PPP4R3B: variants seen among roughly 807,000 people sequenced by gnomAD.
PPP4R3B encodes the protein protein phosphatase 4 regulatory subunit 3B.
In PPP4R3B, 52 loss-of-function variants were observed where a neutral mutation model predicts 95.4. That is an observed-to-expected ratio of 0.54 (90% confidence interval 0.44 to 0.69). PPP4R3B has a LOEUF of 0.69. Among genes scored for constraint, PPP4R3B ranks in the 30% least tolerant of loss-of-function variants. The pLI is 0.00. For synonymous variants in PPP4R3B, 407 were observed against 343.9 expected, an observed-to-expected ratio of 1.18 and a Z score of -2.03; for missense variants, 1,003 against 1,005.9, an observed-to-expected ratio of 1.00 and a Z score of 0.04.
rs370781170 is a variant in PPP4R3B, at chr2:55,596,256, G to C, written c.921+2160C>G. Among the ~76,000 whole-genome samples, 149 of 152,162 alleles carry C rather than the reference G, an allele frequency of 9.8e-4. 1 individual carries two copies. Among genetic ancestry groups the C allele is most frequent in the Middle Eastern group, 3.4e-3 (1 of 294 alleles). ...AGGCCGAAGCAAATCTGACTTTCAA[G>C]GTGAAAATAAAATATAAAAACTGTT... On this transcript the variant is annotated intron_variant, in intron 4 of 16. Transcript: ENST00000616407.
chr2:55,617,584 C>T lies in PPP4R3B; in HGVS notation c.-299G>A. 1 of 298,732 alleles carries T rather than the reference C, an allele frequency of 3.3e-6. No homozygotes were observed. Among genetic ancestry groups the T allele is most frequent in the Middle Eastern group, 9.4e-4 (1 of 1,062 alleles). The allele number at this position is 298,732 out of a possible 1,614,324, so 18.5% of individuals were successfully genotyped here. A position where few individuals can be genotyped will look rare whatever the true frequency, so the allele number is the denominator to read the frequency against. ...CGCCGCCGCGGTAACTACTACAGAT[C>T]CGCCATCTTGTAACCCGACTCTCTC... On this transcript the variant is annotated 5_prime_UTR_variant, in exon 1 of 17. Transcript: ENST00000616407.
intron 12 of PPP4R3B, among the ~76,000 whole-genome samples, chr2:55,569,537 T>C (rs961068466): frequency 6.6e-6 from 1 of 152,118 alleles, no homozygotes; most frequent in Non-Finnish European, 1.5e-5. Flanking sequence ...GTACTAAAAG[T>C]CTATGATAAG....
intron 8 of PPP4R3B, among the ~76,000 whole-genome samples, chr2:55,580,668 G>A (rs1330174660): frequency 6.6e-6 from 1 of 152,048 alleles, no homozygotes; most frequent in Non-Finnish European, 1.5e-5. Flanking sequence ...TGAAAATTTG[G>A]AAAATAATGT....
At chr2:55,590,993 G>C (rs1690931426) in intron 4 of PPP4R3B, among the ~76,000 whole-genome samples, 1 of 152,142 alleles carries the variant, frequency 6.6e-6, no homozygotes, top group African/African-American at 2.4e-5. Flanking sequence ...CTCAGAATGT[G>C]TCTGAGTCAT....
intron 13 of PPP4R3B, among the ~76,000 whole-genome samples, chr2:55,565,374 G>A (rs946840260): frequency 1.3e-5 from 2 of 151,028 alleles, no homozygotes; most frequent in Admixed American, 6.6e-5. Flanking sequence ...AATTTCATTT[G>A]ATCTTCACAA....
chr2:55,595,520 T>C (rs540128254), intron 4 of PPP4R3B, among the ~76,000 whole-genome samples: 1 of 151,598 alleles, frequency 6.6e-6, no homozygotes, highest in South Asian at 2.1e-4. Flanking sequence ...CGTGAAAATA[T>C]TTATGAATTC....
chr2:55,614,396 G>A (rs1694616289), intron 2 of PPP4R3B: 2 of 152,068 alleles, frequency 1.3e-5, no homozygotes, highest in African/African-American at 2.4e-5. Context: ...TCATACATAA[G>A]AATACTATAC....
At chr2:55,601,960 G>T (rs1444941431) in intron 3 of PPP4R3B, among the ~76,000 whole-genome samples, 2 of 152,114 alleles carry the variant, frequency 1.3e-5, no homozygotes, top group African/African-American at 4.8e-5. Context: ...TAAGAAAAAT[G>T]AAAGTCACTG....
chr2:55,568,452 T>C, intron 12 of PPP4R3B, 89 bp from the exon 13 acceptor site: 2 of 1,039,126 alleles, frequency 1.9e-6, no homozygotes, highest in Non-Finnish European at 2.7e-6. Flanking sequence ...GCAATGTATA[T>C]GCTCTTCTAA....
chr2:55,570,486 A>T (rs1687866190), intron 12 of PPP4R3B, among the ~76,000 whole-genome samples: 3 of 152,236 alleles, frequency 2.0e-5, no homozygotes, highest in Non-Finnish European at 2.9e-5. Context: ...AAGCTTACTA[A>T]ATTTAGCAAT....
At chr2:55,553,122 G>A (rs1334392038) in intron 16 of PPP4R3B, among the ~76,000 whole-genome samples, 2 of 152,170 alleles carry the variant, frequency 1.3e-5, no homozygotes, top group African/African-American at 2.4e-5. Flanking sequence ...AAATTCTATA[G>A]AGAATGTAAT....
chr2:55,592,723 T>C (rs1443227875), intron 4 of PPP4R3B, among the ~76,000 whole-genome samples: 2 of 152,216 alleles, frequency 1.3e-5, no homozygotes, highest in African/African-American at 2.4e-5. Context: ...TAATATAATA[T>C]ATGTAAATGT....
At chr2:55,561,341 C>G (rs913828327) in intron 15 of PPP4R3B, among the ~76,000 whole-genome samples, 2 of 152,202 alleles carry the variant, frequency 1.3e-5, no homozygotes, top group African/African-American at 4.8e-5. Flanking sequence ...AGGGGCAGAG[C>G]TCTTATGAAG....
chr2:55,581,437 T>C (rs2104239368), intron 8 of PPP4R3B, 130 bp downstream of exon 8: 1 of 956,770 alleles, frequency 1.0e-6, no homozygotes, highest in Non-Finnish European at 1.5e-6. Flanking sequence ...AATGAATTGC[T>C]ATAAGAATAC....
In PPP4R3B at chr2:55,564,907, C is replaced by T. The variant is rs1206689363; in HGVS notation, c.2070G>A (p.Leu690=). The change falls in exon 14 of 17, where the codon CTG becomes CTA. Residue 690 remains leucine (L), a synonymous_variant. Transcript: ENST00000616407. ...GCAGTATACTTAAACAATACCTGTT[C>T]AGTTTCTGATTTTGTCTGTCTTTTT... ...EQEKDRQNQK[L]NSVPSILRSN... is the part of the protein sequence containing the mutation. The T allele has an allele frequency of 2.5e-6, 4 of 1,609,692 alleles. No individual in the cohort carries two copies. The highest frequency in any genetic ancestry group is 4.5e-5 in the East Asian group (2 of 44,594).
intron 2 of PPP4R3B, among the ~76,000 whole-genome samples, chr2:55,608,130 G>A (rs1693673381): frequency 6.6e-6 from 1 of 152,102 alleles, no homozygotes; most frequent in South Asian, 2.1e-4. Context: ...TCAGCCTCCT[G>A]AGTAGCTGGG....
chr2:55,583,954 C>A (rs773328396), intron 7 of PPP4R3B, among the ~76,000 whole-genome samples: 43 of 152,006 alleles, frequency 2.8e-4, no homozygotes, highest in Non-Finnish European at 5.4e-4. Flanking sequence ...GCCTTTAATC[C>A]CAGCACTTTA....
Position 55,579,724 on chromosome 2 carries a change from T to A in PPP4R3B, c.1423A>T (p.Thr475Ser), listed in dbSNP as rs1170948214. 5 of 1,608,692 alleles carry A rather than the reference T, an allele frequency of 3.1e-6. No individual in the cohort carries two copies. In the Admixed American group the frequency reaches 5.1e-5, roughly 16 times the overall value. ...GAAGTATTGGTCAAAAGTGGTGCTG[T>A]GAGAACATGCATACAATGGTTGTAG... ...FFYNHCMHVL[T>S]APLLTNTSED... The change falls in exon 9 of 17, where the codon ACA becomes TCA. Residue 475 changes from threonine to serine, a missense_variant. Around this residue, in one of 3 missense-constraint regions of PPP4R3B, gnomAD observed 695 missense variants for 686.2 expected, o/e 1.01. Transcript: ENST00000616407.
At chr2:55,596,577 CTAGGTATTT>C (rs1691803111) in intron 4 of PPP4R3B, among the ~76,000 whole-genome samples, 1 of 152,172 alleles carries the variant, frequency 6.6e-6, no homozygotes, top group Admixed American at 6.5e-5. Flanking sequence ...ATAATAAAAG[CTAGGTATTT>C]TGTGGCAAAG....
Sources: gnomAD v4.1 joint callset for allele counts (sites outside exome capture counted in the v4.1 genomes callset) on GRCh38, gnomAD v4.1.1 for gene constraint, gnomAD v4.1.1 regional missense constraint, MANE v1.5 for transcripts, NCBI Gene and HGNC (gene_info 2026-07-23, HGNC 2026-07-21) for gene names.